CD53: variants seen among roughly 807,000 people sequenced by gnomAD.
CD53 encodes the protein leukocyte surface antigen CD53.
In CD53, 20 loss-of-function variants were observed where a neutral mutation model predicts 27.3. The observed-to-expected ratio is 0.73, with a 90% CI of 0.52 to 1.07. CD53 has a LOEUF of 1.07. CD53 is among the 50% of genes least tolerant of loss of function. The pLI is 0.00. For synonymous variants in CD53, 106 were observed against 105.3 expected (o/e 1.01, Z -0.04); for missense variants, 216 against 264.0 (o/e 0.82, Z 1.26).
chr1:110,897,319 T>C (rs566809933), intron 6 of CD53, among the ~76,000 whole-genome samples: 1 of 152,352 alleles, frequency 6.6e-6, no homozygotes, highest in South Asian at 2.1e-4. Flanking sequence ...TATCTGCTCC[T>C]GAAGGGGTTT....
intron 2 of CD53, 136 bp from the exon 3 acceptor site, chr1:110,892,209 G>C: frequency 1.4e-6 from 1 of 727,140 alleles, no homozygotes; most frequent in South Asian, 1.6e-5. Context: ...GAAAAGTTTG[G>C]TAAAGAAATT....
At chr1:110,898,305 A>T (rs1657154107) in intron 7 of CD53, among the ~76,000 whole-genome samples, 1 of 145,098 alleles carries the variant, frequency 6.9e-6, no homozygotes, top group Non-Finnish European at 1.5e-5. Context: ...TGAACCTGGG[A>T]GGCGGAGCTT....
At chr1:110,896,553 T>G in intron 5 of CD53, 100 bp from the exon 6 acceptor site, 1 of 1,070,194 alleles carries the variant, frequency 9.3e-7, no homozygotes, top group Admixed American at 2.1e-5. Flanking sequence ...ACTTCTGCTA[T>G]AGAGTCAGAT....
chr1:110,881,490 T>C (rs1656352561), intron 1 of CD53, among the ~76,000 whole-genome samples: 1 of 152,236 alleles, frequency 6.6e-6, no homozygotes, highest in Non-Finnish European at 1.5e-5. Flanking sequence ...ACTATTTATT[T>C]ATACATTCAC....
chr1:110,896,009 G>T (rs926077779), intron 5 of CD53, among the ~76,000 whole-genome samples: 1 of 151,986 alleles, frequency 6.6e-6, no homozygotes, highest in Non-Finnish European at 1.5e-5. Flanking sequence ...TAATTGACTT[G>T]TTCAAATCAA....
At chr1:110,882,615 G>A (rs1174094828) in intron 1 of CD53, among the ~76,000 whole-genome samples, 1 of 151,966 alleles carries the variant, frequency 6.6e-6, no homozygotes. Context: ...AAATTCTGCT[G>A]TAATATTGAT....
intron 1 of CD53, among the ~76,000 whole-genome samples, chr1:110,878,301 C>T (rs1656205304): frequency 6.6e-6 from 1 of 152,130 alleles, no homozygotes; most frequent in South Asian, 2.1e-4. Context: ...TTTAGAAAAA[C>T]TTTTTCTTAA....
chr1:110,878,686 C>T (rs574052), intron 1 of CD53, among the ~76,000 whole-genome samples: 23 of 152,204 alleles, frequency 1.5e-4, no homozygotes, highest in African/African-American at 5.5e-4. Context: ...TCTTAGCTTA[C>T]AAAGGTGTTT....
chr1:110,873,096 TC>T (rs1274182881), upstream of CD53: 7 of 152,622 alleles, frequency 4.6e-5, no homozygotes, highest in African/African-American at 1.7e-4. Flanking sequence ...CATCTGGGCT[TC>T]CTGTCGTCAC....
At chr1:110,872,549 C>A (rs1655995621), upstream of CD53, among the ~76,000 whole-genome samples, 2 of 152,152 alleles carry the variant, frequency 1.3e-5, no homozygotes, top group Admixed American at 6.5e-5. Context: ...CTAACCAAAT[C>A]ATTTCTACCA....
intron 1 of CD53, among the ~76,000 whole-genome samples, chr1:110,888,919 C>T (rs1409503138): frequency 6.6e-6 from 1 of 152,136 alleles, no homozygotes; most frequent in African/African-American, 2.4e-5. Flanking sequence ...GCTTTTATGT[C>T]CTCCACCATG....
chr1:110,893,902 T>C (rs146573732), intron 3 of CD53, among the ~76,000 whole-genome samples: 5 of 152,322 alleles, frequency 3.3e-5, no homozygotes, highest in African/African-American at 1.2e-4. Context: ...CTTTCTACCA[T>C]TGTACAGGGC....
chr1:110,873,279 C>T (rs1656016663), intron 1 of CD53, 31 bp downstream of exon 1: 1 of 152,640 alleles, frequency 6.6e-6, no homozygotes, highest in African/African-American at 2.4e-5. Context: ...ACTTGGCTTG[C>T]TGTCTAATGT....
intron 7 of CD53, among the ~76,000 whole-genome samples, chr1:110,898,752 G>T (rs1401662938): frequency 6.6e-6 from 1 of 152,106 alleles, no homozygotes; most frequent in Admixed American, 6.5e-5. Flanking sequence ...CAATCAGGAA[G>T]CTCAGAGAAA....
intron 5 of CD53, among the ~76,000 whole-genome samples, chr1:110,895,584 C>G (rs1299288823): frequency 3.9e-5 from 6 of 152,124 alleles, no homozygotes. Flanking sequence ...GAAACAGTAC[C>G]ACTATGAAAG....
chr1:110,894,932 T>C, intron 4 of CD53, 28 bp from the exon 5 acceptor site: 1 of 1,563,922 alleles, frequency 6.4e-7, no homozygotes, highest in Non-Finnish European at 8.8e-7. Flanking sequence ...TTTTACCATG[T>C]CTCCTCTGCT....
intron 4 of CD53, 108 bp from the exon 5 acceptor site, chr1:110,894,852 T>G: frequency 1.3e-6 from 1 of 798,152 alleles, no homozygotes; most frequent in Non-Finnish European, 2.2e-6. Context: ...GAGGAGACCA[T>G]TTGGAAGGGA....
At chr1:110,884,776 T>C (rs12095523) in intron 1 of CD53, among the ~76,000 whole-genome samples, 3 of 152,106 alleles carry the variant, frequency 2.0e-5, no homozygotes, top group African/African-American at 7.2e-5. Flanking sequence ...TTTTCCCTTT[T>C]ATTAGTGTTA....
Position 110,885,470 on chromosome 1 carries a change from G to A in CD53, c.-17-5922G>A, listed in dbSNP as rs1570902396. 2.0e-5 allele frequency among the ~76,000 whole-genome samples: 3 copies of A among 152,166 alleles called. No individual in the cohort carries two copies. The East Asian group carries it at 5.8e-4, about 29-fold the overall frequency. ...GGAGAATGGCGTGAACCGGGGAGGC[G>A]GAGCTTGCAGTGAGCCGAGATCGCG... On this transcript the variant is annotated intron_variant, in intron 1 of 7. Coordinates refer to ENST00000271324, the MANE Select transcript of CD53 (RefSeq NM_000560.4).
Sources: gnomAD v4.1 joint callset for allele counts (sites outside exome capture counted in the v4.1 genomes callset) on GRCh38, gnomAD v4.1.1 for gene constraint, MANE v1.5 for transcripts, NCBI Gene and HGNC (gene_info 2026-07-23, HGNC 2026-07-21) for gene names.